The following SH3PXD2B variants were observed in gnomAD, a reference collection of about 807,000 sequenced individuals.
SH3PXD2B encodes SH3 and PX domains 2B.
In SH3PXD2B, 37 loss-of-function variants were observed where a neutral mutation model predicts 73.1. The ratio of observed to expected loss-of-function variants is 0.51; its 90% CI spans 0.39 to 0.67. The LOEUF is 0.67. SH3PXD2B is among the 30% of genes least tolerant of loss of function. The probability of loss-of-function intolerance (pLI) is 0.00; values close to 1 mark genes in which losing one functional copy is unlikely to be tolerated. For missense variants in SH3PXD2B, 1,053 were observed against 1,197.8 expected (o/e 0.88, Z 1.78); for synonymous variants, 457 against 480.5 (o/e 0.95, Z 0.64).
intron 1 of SH3PXD2B, among the ~76,000 whole-genome samples, chr5:172,446,212 C>A (rs917211244): frequency 3.3e-5 from 5 of 152,226 alleles, no homozygotes; most frequent in African/African-American, 1.2e-4. Flanking sequence ...ATCTCCCCAA[C>A]AAAGCCCCCT....
At chr5:172,420,783 CA>C (rs1427253807) in intron 2 of SH3PXD2B, among the ~76,000 whole-genome samples, 12 of 152,250 alleles carry the variant, frequency 7.9e-5, no homozygotes, top group Admixed American at 2.0e-4. Flanking sequence ...GGATTTCTGA[CA>C]AGTGACTTTT....
At chr5:172,373,687 C>T (rs1757758657) in intron 6 of SH3PXD2B, 103 bp downstream of exon 6, 3 of 1,339,016 alleles carry the variant, frequency 2.2e-6, no homozygotes, top group Non-Finnish European at 2.1e-6. Context: ...CCATCCACAT[C>T]ACTGTATCCT....
Position 172,333,914 on chromosome 5 carries a change from T to C in SH3PXD2B, c.*4455A>G. 1.6e-5 allele frequency: 20 copies of C among 1,262,118 alleles called. No homozygotes were observed. In the South Asian group the frequency reaches 2.6e-4, roughly 17 times the overall value. The allele number at this position is 1,262,118 out of a possible 1,614,324, so 78.2% of individuals were successfully genotyped here. On this transcript the variant is annotated 3_prime_UTR_variant, in exon 13 of 13. Transcript: ENST00000311601. ...AATTACACGGGCACAAAGGCATACA[T>C]GGGCACACACTGGGGTAAAATGTGG...
At chr5:172,433,232 G>T (rs771567672) in intron 1 of SH3PXD2B, among the ~76,000 whole-genome samples, 38 of 152,256 alleles carry the variant, frequency 2.5e-4, no homozygotes, top group South Asian at 6.2e-4. Context: ...ACAGAGCCTA[G>T]GTGTGTAGTA....
intron 1 of SH3PXD2B, 66 bp downstream of exon 1, chr5:172,454,211 CG>C: frequency 6.4e-6 from 9 of 1,398,872 alleles, no homozygotes; most frequent in African/African-American, 1.5e-5. Context: ...TTTTCCAAGC[CG>C]GGGGCCCTCG....
At chr5:172,387,353 T>C (rs1357656236) in intron 4 of SH3PXD2B, among the ~76,000 whole-genome samples, 1 of 152,258 alleles carries the variant, frequency 6.6e-6, no homozygotes, top group Non-Finnish European at 1.5e-5. Context: ...GCTTTAGCTG[T>C]CTTCATTGTG....
chr5:172,373,222 C>A (rs758312927), intron 6 of SH3PXD2B, among the ~76,000 whole-genome samples: 1 of 152,200 alleles, frequency 6.6e-6, no homozygotes, highest in Non-Finnish European at 1.5e-5. Context: ...CCAAATCTAC[C>A]GCACATTCCT....
At chr5:172,331,699 C>T (rs112910021), downstream of SH3PXD2B, among the ~76,000 whole-genome samples, 1,869 of 152,284 alleles carry the variant, frequency 0.012, 35 homozygotes, top group African/African-American at 0.042. Context: ...TGCCTGTAAT[C>T]CCAGCACTTT....
At position 172,338,757 on chromosome 5, in the gene SH3PXD2B, C is replaced by T. The variant is rs769967641; in HGVS notation, c.2348G>A (p.Cys783Tyr). 1 of 1,614,210 alleles carries T rather than the reference C, an allele frequency of 6.2e-7. No homozygotes were observed. The highest frequency in any genetic ancestry group is 1.1e-5 in the South Asian group (1 of 91,084). The change falls in exon 13 of 13, where the codon TGT becomes TAT. Residue 783 changes from cysteine (C) to tyrosine (Y), a missense_variant. Cys to Tyr is a radical substitution (Grantham distance 194). Coordinates refer to ENST00000311601, the MANE Select transcript of SH3PXD2B (RefSeq NM_001017995.3). This position sits in a 1 kb window ranked among gnomAD's most constrained non-coding sequence, Gnocchi z 5.1. ...RPLPEVRGPQ[C>Y]EGHESRAAPT... Reference sequence around the variant, plus strand: ...AGCTGCCCTGCTTTCGTGGCCTTCACACTGTGGACCTCTGACCTCTGGGAG... The same window carrying T: ...AGCTGCCCTGCTTTCGTGGCCTTCATACTGTGGACCTCTGACCTCTGGGAG...
chr5:172,346,102 C>T (rs1229447857), intron 12 of SH3PXD2B, 34 bp downstream of exon 12: 5 of 1,613,564 alleles, frequency 3.1e-6, no homozygotes, highest in African/African-American at 1.3e-5. Flanking sequence ...AATCAGGAAT[C>T]ACAAGTAGGC....
intron 4 of SH3PXD2B, among the ~76,000 whole-genome samples, chr5:172,394,007 C>CATCT (rs1439522771): frequency 6.6e-6 from 1 of 152,014 alleles, no homozygotes; most frequent in Non-Finnish European, 1.5e-5. Context: ...TGTATTGTGC[C>CATCT]ATCTCAGCTC....
At chr5:172,433,721 G>T (rs1313729977) in intron 1 of SH3PXD2B, among the ~76,000 whole-genome samples, 1 of 152,198 alleles carries the variant, frequency 6.6e-6, no homozygotes, top group East Asian at 1.9e-4. Context: ...GTGAGGTTAA[G>T]TCCTTGACCT....
At chr5:172,392,877 A>G (rs1309219436) in intron 4 of SH3PXD2B, among the ~76,000 whole-genome samples, 2 of 152,194 alleles carry the variant, frequency 1.3e-5, no homozygotes, top group East Asian at 3.8e-4. Flanking sequence ...CTGATCAAAC[A>G]TTTTGTAGGA....
intron 1 of SH3PXD2B, among the ~76,000 whole-genome samples, chr5:172,449,566 G>A (rs560489660): frequency 3.0e-4 from 45 of 152,152 alleles, no homozygotes; most frequent in African/African-American, 9.9e-4. Flanking sequence ...CCAATATATC[G>A]AAAAACAGGC....
At chr5:172,452,303 C>T (rs938481811) in intron 1 of SH3PXD2B, among the ~76,000 whole-genome samples, 6 of 152,166 alleles carry the variant, frequency 3.9e-5, no homozygotes, top group African/African-American at 7.2e-5. Flanking sequence ...CTTCAAAAGA[C>T]GGTTCTCAAA....
At chr5:172,451,954 G>A (rs916995028) in intron 1 of SH3PXD2B, among the ~76,000 whole-genome samples, 1 of 152,214 alleles carries the variant, frequency 6.6e-6, no homozygotes, top group Non-Finnish European at 1.5e-5. Context: ...AGAAGGGAGA[G>A]GGCCTCTTGA....
intron 1 of SH3PXD2B, among the ~76,000 whole-genome samples, chr5:172,439,684 A>AG (rs1554087673): frequency 9.7e-6 from 1 of 103,252 alleles, no homozygotes; most frequent in Non-Finnish European, 1.9e-5. Context: ...GCGTGCGCGC[A>AG]CGCGCGCGCA....
intron 3 of SH3PXD2B, among the ~76,000 whole-genome samples, chr5:172,396,917 G>A (rs1348592878): frequency 3.3e-5 from 5 of 152,016 alleles, no homozygotes; most frequent in African/African-American, 1.2e-4. Context: ...CTCCAGCCTG[G>A]GTGACAAGAG....
At position 172,336,415 on chromosome 5, in the gene SH3PXD2B, G is replaced by A; in HGVS notation, c.*1954C>T. 4.1e-6 allele frequency: 4 copies of A among 985,956 alleles called. No individual in the cohort carries two copies. Among genetic ancestry groups the A allele is most frequent in the Non-Finnish European group, 4.8e-6 (4 of 830,006 alleles). The allele number at this position is 985,956 out of a possible 1,614,324, so 61.1% of individuals were successfully genotyped here. ...TGGGCACAGGGCCAAGTGGCAAGTGGGCCCTGCCCAAGCCTCTCTGGGAAA... is the reference window on the plus strand; with the variant it reads ...TGGGCACAGGGCCAAGTGGCAAGTGAGCCCTGCCCAAGCCTCTCTGGGAAA... On this transcript the variant is annotated 3_prime_UTR_variant, in exon 13 of 13. Transcript: ENST00000311601.
Sources: gnomAD v4.1 joint callset for allele counts (sites outside exome capture counted in the v4.1 genomes callset) on GRCh38, gnomAD v4.1.1 for gene constraint, Gnocchi (gnomAD v3.1) non-coding constraint, MANE v1.5 for transcripts, NCBI Gene and HGNC (gene_info 2026-07-23, HGNC 2026-07-21) for gene names.